The following MIDEAS variants were observed in gnomAD, a reference collection of about 807,000 sequenced individuals.
The protein encoded by MIDEAS is mitotic deacetylase-associated SANT domain protein.
In MIDEAS, 26 loss-of-function variants were observed where a neutral mutation model predicts 102.7. The ratio of observed to expected loss-of-function variants is 0.25; its 90% CI spans 0.19 to 0.35. The LOEUF (loss-of-function observed/expected upper bound fraction) is 0.35. MIDEAS is among the 10% of genes least tolerant of loss of function. MIDEAS has a pLI of 1.00. For missense variants in MIDEAS, 1,231 were observed against 1,435.6 expected (o/e 0.86, Z 2.30); for synonymous variants, 585 against 591.0 (o/e 0.99, Z 0.15).
chr14:73,739,624 G>C lies in MIDEAS; in HGVS notation c.385C>G (p.Pro129Ala). 6.2e-7 allele frequency: 1 copy of C among 1,614,076 alleles called. No individual in the cohort carries two copies. The highest frequency in any genetic ancestry group is 8.5e-7 in the Non-Finnish European group (1 of 1,179,980). The change falls in exon 2 of 13, where the codon CCA (proline) becomes GCA (alanine). Residue 129 changes from proline to alanine, a missense_variant. This residue lies in a region of MIDEAS where 758 missense variants were observed against 856.0 expected (regional missense o/e 0.89). Coordinates refer to ENST00000423556, the MANE Select transcript of MIDEAS (RefSeq NM_001367710.1). ...TGGCAGTTCCATGTTGAATGGGGTG[G>C]AGGCTGGCCTGGCTGCTGCTGCCAG... Reference protein sequence around the residue: ...SSWQQQPGQPPPHSTWNCHSL... With the variant: ...SSWQQQPGQPAPHSTWNCHSL...
chr14:73,776,956 A>C (rs1347194330), intron 1 of MIDEAS, among the ~76,000 whole-genome samples: 1 of 151,930 alleles, frequency 6.6e-6, no homozygotes, highest in African/African-American at 2.4e-5. Flanking sequence ...CTGTAGTCCC[A>C]GCTACTCGGG....
At chr14:73,728,196 G>C (rs919533337) in intron 4 of MIDEAS, 1 of 147,606 alleles carries the variant, frequency 6.8e-6, no homozygotes, top group Admixed American at 6.8e-5. Flanking sequence ...GTGAGTCACC[G>C]TGCCCAGGCC....
chr14:73,756,646 C>T (rs1237442789), intron 1 of MIDEAS, among the ~76,000 whole-genome samples: 1 of 152,160 alleles, frequency 6.6e-6, no homozygotes, highest in African/African-American at 2.4e-5. Context: ...TGTACTGATG[C>T]ATGCACGCCT....
intron 7 of MIDEAS, 140 bp downstream of exon 7, chr14:73,726,464 C>G: frequency 1.3e-6 from 1 of 798,634 alleles, no homozygotes; most frequent in South Asian, 1.8e-5. Flanking sequence ...TTGGGTCAAG[C>G]CCCTACAGCC....
chr14:73,746,272 C>A (rs1443609101), intron 1 of MIDEAS, among the ~76,000 whole-genome samples: 2 of 152,164 alleles, frequency 1.3e-5, no homozygotes, highest in African/African-American at 4.8e-5. Flanking sequence ...GAGGTGGGGG[C>A]TGCTAATGCA....
chr14:73,764,717 T>G (rs958516775), upstream of MIDEAS, among the ~76,000 whole-genome samples: 1 of 152,182 alleles, frequency 6.6e-6, no homozygotes, highest in Admixed American at 6.5e-5. Context: ...CTTTTATCCT[T>G]GGAAAAAACC....
At position 73,736,965 on chromosome 14, in the gene MIDEAS, G is replaced by A. The variant is rs10143181; in HGVS notation, c.1749+33C>T. 104,983 of 1,595,766 alleles carry A rather than the reference G, an allele frequency of 0.066. 4,619 individuals are homozygous for A. The highest frequency in any genetic ancestry group is 0.2 in the African/African-American group (14,659 of 74,672). On this transcript the variant is annotated intron_variant, in intron 3 of 12. Coordinates refer to ENST00000423556, the MANE Select transcript of MIDEAS (RefSeq NM_001367710.1). Reference sequence around the variant, plus strand: ...TCCTGGGCCCCCTGAGCACTCACGCGCTGGAGGTGTTTAGAAGGGGCGCCT... The same window carrying A: ...TCCTGGGCCCCCTGAGCACTCACGCACTGGAGGTGTTTAGAAGGGGCGCCT...
chr14:73,753,502 T>C (rs941546349), intron 1 of MIDEAS, among the ~76,000 whole-genome samples: 2 of 152,220 alleles, frequency 1.3e-5, no homozygotes, highest in African/African-American at 2.4e-5. Flanking sequence ...TCTCAGTTAT[T>C]GTGGGATTCA....
chr14:73,727,144 A>G lies in MIDEAS; in HGVS notation c.2163-172T>C, dbSNP rs1029488275. ...GAGGACAGCCTGACCTGGCACCACC[A>G]GAAAGGCAAGGTCCAGAGGCTGGAG... On this transcript the variant is annotated intron_variant, in intron 5 of 12. Transcript: ENST00000423556. 14 of 805,460 alleles carry G rather than the reference A, an allele frequency of 1.7e-5. No homozygotes were observed. The African/African-American group carries it at 2.3e-4, about 13-fold the overall frequency. 49.9% of individuals were successfully genotyped at this position (805,460 alleles called of 1,614,324 possible).
Position 73,716,057 on chromosome 14 carries a change from T to C in MIDEAS, c.*2786A>G, listed in dbSNP as rs924718964. 6.6e-6 allele frequency: 1 copy of C among 152,424 alleles called. No individual in the cohort carries two copies. Among genetic ancestry groups the C allele is most frequent in the Non-Finnish European group, 1.5e-5 (1 of 68,064 alleles). The allele number at this position is 152,424 out of a possible 1,614,324, so 9.4% of individuals were successfully genotyped here. A position where few individuals can be genotyped will look rare whatever the true frequency, so the allele number is the denominator to read the frequency against. ...TGGTGAGATGGTGTGGGGAGGATGT[T>C]AGAAAGCTGGAGGTGTTTATCACTT... On this transcript the variant is annotated 3_prime_UTR_variant, in exon 13 of 13. Coordinates refer to ENST00000423556, the MANE Select transcript of MIDEAS (RefSeq NM_001367710.1).
At chr14:73,781,393 T>C (rs1031423332) in intron 1 of MIDEAS, among the ~76,000 whole-genome samples, 1 of 152,212 alleles carries the variant, frequency 6.6e-6, no homozygotes, top group African/African-American at 2.4e-5. Context: ...TTCAGAAATA[T>C]GTAAATCCCA....
intron 11 of MIDEAS, among the ~76,000 whole-genome samples, chr14:73,719,969 C>T (rs1029713006): frequency 6.6e-6 from 1 of 151,866 alleles, no homozygotes; most frequent in Admixed American, 6.6e-5. Context: ...TACTTCAGGA[C>T]AGCGCACTGC....
In MIDEAS at chr14:73,726,621, A is replaced by C; in HGVS notation, c.2392T>G (p.Ser798Ala). The change falls in exon 7 of 13, where the codon TCC becomes GCC. Residue 798 changes from serine to alanine, a missense_variant. By Grantham distance (99) the Ser-to-Ala change is moderately conservative. This residue lies in a region of MIDEAS where 391 missense variants were observed against 483.0 expected (regional missense o/e 0.81). Transcript: ENST00000423556. ...QELALHCLHE[S>A]RGDILETLNK... ...CTTCTCACCAGGATGTCTCCTCTGG[A>C]TTCGTGCAGACAGTGCAGGGCCAGC... The C allele has an allele frequency of 1.2e-6, 2 of 1,614,170 alleles. No homozygotes were observed. Among genetic ancestry groups the C allele is most frequent in the Non-Finnish European group, 1.7e-6 (2 of 1,180,024 alleles).
At chr14:73,727,738 C>CA in intron 4 of MIDEAS, 2 of 539,966 alleles carry the variant, frequency 3.7e-6, no homozygotes, top group Middle Eastern at 8.0e-4. Context: ...TCACACTCAC[C>CA]AAAAGGGGCT....
At chr14:73,765,890 T>A (rs1566606256) in intron 1 of MIDEAS, among the ~76,000 whole-genome samples, 2 of 152,104 alleles carry the variant, frequency 1.3e-5, no homozygotes, top group African/African-American at 2.4e-5. Context: ...TGGTACAATG[T>A]CCCCCAGATG....
At chr14:73,729,247 G>C (rs1479356643) in intron 4 of MIDEAS, 1 of 171,758 alleles carries the variant, frequency 5.8e-6, no homozygotes, top group Non-Finnish European at 1.3e-5. Context: ...ATGCACCTGA[G>C]CCTAGGAAGT....
Position 73,745,969 on chromosome 14 carries a change from A to G in MIDEAS, c.-247-5714T>C, listed in dbSNP as rs1401008045. On this transcript the variant is annotated intron_variant, in intron 1 of 12. Coordinates refer to ENST00000423556, the MANE Select transcript of MIDEAS (RefSeq NM_001367710.1). ...GCTCTGAAAAGCAGAGCCCAGGCCA[A>G]CAGGCCAGAGAGTCACGAGTCCCAG... Among the ~76,000 whole-genome samples, 4 of 152,342 alleles carry G rather than the reference A, an allele frequency of 2.6e-5. No homozygotes were observed. The East Asian group carries it at 7.7e-4, about 29-fold the overall frequency.
At chr14:73,775,933 G>A (rs1322784125) in intron 1 of MIDEAS, among the ~76,000 whole-genome samples, 1 of 151,900 alleles carries the variant, frequency 6.6e-6, no homozygotes, top group Non-Finnish European at 1.5e-5. Flanking sequence ...AAGGAGATAG[G>A]GTAGAACATC....
Position 73,737,078 on chromosome 14 carries a change from T to G in MIDEAS, c.1669A>C (p.Asn557His). The G allele has an allele frequency of 6.2e-7, 1 of 1,614,086 alleles. No homozygotes were observed. The highest frequency in any genetic ancestry group is 8.5e-7 in the Non-Finnish European group (1 of 1,180,000). Residue 557 changes from asparagine (N) to histidine (H), a missense_variant, in exon 3 of 13, where the codon AAC becomes CAC. Asn to His is a moderately conservative substitution (Grantham distance 68). Coordinates refer to ENST00000423556, the MANE Select transcript of MIDEAS (RefSeq NM_001367710.1). ...LDEDGKGPEQ[N>H]PAEHKPSVIV... is the part of the protein sequence containing the mutation. ...ACTGATGGCTTGTGCTCAGCAGGGT[T>G]CTGTTCAGGACCCTTCCCGTCCTCA...
Sources: allele counts gnomAD v4.1 joint callset (sites outside exome capture counted in the v4.1 genomes callset), GRCh38; gene constraint gnomAD v4.1.1; regional missense constraint gnomAD v4.1.1; transcripts MANE v1.5; gene names NCBI Gene and HGNC (gene_info 2026-07-23, HGNC 2026-07-21).